Variants in ZC3H18 observed in about 807,000 individuals in gnomAD.
The protein encoded by ZC3H18 is zinc finger CCCH domain-containing protein 18.
In ZC3H18, 8 loss-of-function variants were observed where a neutral mutation model predicts 106.1. The observed-to-expected ratio is 0.08, with a 90% CI of 0.04 to 0.14. The LOEUF is 0.14. Among genes scored for constraint, ZC3H18 ranks in the 10% least tolerant of loss-of-function variants. The pLI is 1.00. For missense variants in ZC3H18, 1,318 were observed against 1,278.4 expected, an observed-to-expected ratio of 1.03 and a Z score of -0.47; for synonymous variants, 635 against 522.1, an observed-to-expected ratio of 1.22 and a Z score of -2.95.
chr16:88,624,249 TACAC>T (rs1906153325), intron 11 of ZC3H18, 187 bp downstream of exon 11: 7 of 790,932 alleles, frequency 8.9e-6, no homozygotes, highest in Middle Eastern at 3.7e-4. Context: ...GGGCCACCCT[TACAC>T]AGCAGCACTC....
intron 3 of ZC3H18, chr16:88,587,589 A>T (rs1264881079): frequency 8.5e-6 from 13 of 1,536,054 alleles, no homozygotes; most frequent in Non-Finnish European, 1.1e-5. Context: ...ATCCAATTCC[A>T]TACCATTCAG....
chr16:88,630,744 G>GCCCTAC lies in ZC3H18; in HGVS notation c.2663+166_2663+167insTACCCC, dbSNP rs1257539077. Among the ~76,000 whole-genome samples, 139 of 76,462 alleles carry GCCCTAC rather than the reference G, an allele frequency of 1.8e-3. 23 individuals carry two copies. The highest frequency in any genetic ancestry group is 2.4e-3 in the Non-Finnish European group (92 of 37,666). The allele number at this position is 76,462 out of a possible 152,430, so 50.2% of individuals were successfully genotyped here. A position where few individuals can be genotyped will look rare whatever the true frequency, so the allele number is the denominator to read the frequency against. On this transcript the variant is annotated intron_variant, in intron 17 of 17. Coordinates refer to ENST00000301011, the MANE Select transcript of ZC3H18 (RefSeq NM_144604.4). The stretch of plus-strand genomic sequence containing the variant: ...TGAGGGGCATGGACAGCGAATTGCA[G>GCCCTAC]CCCCACCCCCCACCCCCCCCCACAC...
chr16:88,611,135 G>T, intron 7 of ZC3H18, 133 bp from the exon 8 acceptor site: 1 of 679,278 alleles, frequency 1.5e-6, no homozygotes, highest in South Asian at 1.7e-5. Context: ...TTGGCGTTTT[G>T]TGTGTAGGTT....
chr16:88,624,937 G>A (rs1597359535), intron 12 of ZC3H18, among the ~76,000 whole-genome samples, 192 bp downstream of exon 12: 1 of 152,234 alleles, frequency 6.6e-6, no homozygotes, highest in Admixed American at 6.5e-5. Flanking sequence ...TGTTTCTGGA[G>A]CGTGAAGGGG....
intron 2 of ZC3H18, 115 bp downstream of exon 2, chr16:88,577,841 T>G: frequency 6.4e-7 from 1 of 1,566,442 alleles, no homozygotes; most frequent in Admixed American, 1.8e-5. Context: ...TTACTAGGGA[T>G]GGTGCAGGAG....
Position 88,611,257 on chromosome 16 carries a change from T to C in ZC3H18, c.1207-11T>C, listed in dbSNP as rs1905254572. On this transcript the variant is annotated splice_polypyrimidine_tract_variant and intron_variant, in intron 7 of 17. Transcript: ENST00000301011. ...GCACGGTGTCCCCATGTGTTTGGCT[T>C]TTTAACAAAGGAAAGGGAGCGGGAG... The C allele has an allele frequency of 1.3e-6, 1 of 763,026 alleles. No homozygotes were observed. The highest frequency in any genetic ancestry group is 1.8e-5 in the Admixed American group (1 of 55,706). 47.3% of individuals were successfully genotyped at this position (763,026 alleles called of 1,614,324 possible).
chr16:88,628,894 G>GT, intron 16 of ZC3H18, 40 bp downstream of exon 16: 1 of 1,607,100 alleles, frequency 6.2e-7, no homozygotes, highest in Non-Finnish European at 8.5e-7. Flanking sequence ...CAGAGGGACG[G>GT]GAGCCTGGGG....
intron 3 of ZC3H18, among the ~76,000 whole-genome samples, chr16:88,593,144 G>A (rs1915850165): frequency 6.6e-6 from 1 of 152,190 alleles, no homozygotes; most frequent in Non-Finnish European, 1.5e-5. Context: ...GCCATCTGAT[G>A]ACGTGGGATG....
chr16:88,587,544 G>A (rs1915507469), intron 3 of ZC3H18: 3 of 1,535,950 alleles, frequency 2.0e-6, no homozygotes, highest in African/African-American at 2.7e-5. Context: ...TTTTCCAGAT[G>A]TTGTGACACC....
intron 1 of ZC3H18, among the ~76,000 whole-genome samples, chr16:88,574,067 G>T (rs1194871534): frequency 7.9e-5 from 12 of 151,940 alleles, no homozygotes; most frequent in African/African-American, 2.7e-4. Flanking sequence ...TAGAGACAAG[G>T]TTTCACCATT....
chr16:88,615,964 T>C (rs948435508), intron 8 of ZC3H18, among the ~76,000 whole-genome samples: 2 of 152,200 alleles, frequency 1.3e-5, no homozygotes, highest in Non-Finnish European at 2.9e-5. Flanking sequence ...GCCCGCACTT[T>C]AGTGACCCGC....
At chr16:88,576,523 C>G (rs1914762931) in intron 1 of ZC3H18, among the ~76,000 whole-genome samples, 1 of 152,042 alleles carries the variant, frequency 6.6e-6, no homozygotes, top group Non-Finnish European at 1.5e-5. Context: ...AGGCAGGGCT[C>G]TGAGCCTGCA....
chr16:88,623,333 A>G lies in ZC3H18; in HGVS notation c.1782A>G (p.Gly594=). The G allele has an allele frequency of 6.2e-7, 1 of 1,613,380 alleles. No homozygotes were observed. The highest frequency in any genetic ancestry group is 8.5e-7 in the Non-Finnish European group (1 of 1,179,936). Residue 594 remains glycine, a synonymous_variant, in exon 10 of 18, where the codon GGA becomes GGG. Coordinates refer to ENST00000301011, the MANE Select transcript of ZC3H18 (RefSeq NM_144604.4). ...SRSSRHSSFS[G]SRSRSRSFSS... is the part of the protein sequence containing the mutation. ...CTTCCAGACACAGCTCGTTCTCAGG[A>G]AGCCGGTCCAGGTATGTCCCCAGGG...
chr16:88,620,706 T>A (rs940481474), intron 8 of ZC3H18, among the ~76,000 whole-genome samples: 3 of 152,116 alleles, frequency 2.0e-5, no homozygotes, highest in African/African-American at 4.8e-5. Context: ...CACCGCACAC[T>A]GCTGGCTGAA....
At chr16:88,622,996 T>G in intron 9 of ZC3H18, 1 of 636,244 alleles carries the variant, frequency 1.6e-6, no homozygotes, top group Non-Finnish European at 2.6e-6. Context: ...CAGGTCTTGA[T>G]TTCTAAATGC....
rs910758158 is a variant in ZC3H18 at position 88,622,140 on chromosome 16, G to C, written c.1476-57G>C. The C allele has an allele frequency of 2.6e-6, 4 of 1,545,134 alleles. No individual in the cohort carries two copies. The African/African-American group carries it at 4.1e-5, about 16-fold the overall frequency. On this transcript the variant is annotated intron_variant, in intron 8 of 17. Transcript: ENST00000301011. ...AGTCTCTCCCGCTGCTGTCACACCT[G>C]GCATTGCTGTGAAGCGGAAGGTGGC...
chr16:88,606,352 G>T (rs56128712), intron 6 of ZC3H18, among the ~76,000 whole-genome samples: 1 of 152,258 alleles, frequency 6.6e-6, no homozygotes, highest in Non-Finnish European at 1.5e-5. Context: ...CTGCGGAGCA[G>T]ATGGTTCCGA....
Position 88,611,613 on chromosome 16 carries a change from C to G in ZC3H18, c.1475+77C>G, listed in dbSNP as rs1057367539. 2.0e-6 allele frequency: 3 copies of G among 1,494,006 alleles called. No homozygotes were observed. In the African/African-American group the frequency reaches 4.2e-5, roughly 21 times the overall value. 92.5% of individuals were successfully genotyped at this position (1,494,006 alleles called of 1,614,324 possible). A position where few individuals can be genotyped will look rare whatever the true frequency, so the allele number is the denominator to read the frequency against. On this transcript the variant is annotated intron_variant, in intron 8 of 17. Transcript: ENST00000301011. Reference sequence around the variant, plus strand: ...CTCTGTACCTAGTCCCCCTGGCCTGCGCTTCCCCTCTGTGGCCCACAGCTC... The same window carrying G: ...CTCTGTACCTAGTCCCCCTGGCCTGGGCTTCCCCTCTGTGGCCCACAGCTC...
intron 2 of ZC3H18, among the ~76,000 whole-genome samples, chr16:88,578,108 C>T (rs772496961): frequency 3.2e-4 from 49 of 152,188 alleles, no homozygotes; most frequent in Non-Finnish European, 6.2e-4. Flanking sequence ...CCAGAAACCA[C>T]GTGGGTTTCC....
Sources: allele counts gnomAD v4.1 joint callset (sites outside exome capture counted in the v4.1 genomes callset), GRCh38; gene constraint gnomAD v4.1.1; transcripts MANE v1.5; gene names NCBI Gene and HGNC (gene_info 2026-07-23, HGNC 2026-07-21).